PLPPR1: variants seen among roughly 807,000 people sequenced by gnomAD.
The protein encoded by PLPPR1 is phospholipid phosphatase-related protein type 1.
A neutral mutation model predicts 33.1 loss-of-function variants in PLPPR1; 10 were observed. The ratio of observed to expected loss-of-function variants is 0.30; its 90% confidence interval spans 0.19 to 0.51. PLPPR1 has a LOEUF of 0.51. Among genes scored for constraint, PLPPR1 ranks in the 20% least tolerant of loss-of-function variants. The probability of loss-of-function intolerance (pLI) is 0.97; values close to 1 mark genes in which losing one functional copy is unlikely to be tolerated. For missense variants in PLPPR1, 304 were observed against 408.1 expected (o/e 0.74, Z 2.20); for synonymous variants, 151 against 151.0 (o/e 1.00, Z 0.00).
At chr9:101,249,458 T>A (rs74570992) in intron 2 of PLPPR1, among the ~76,000 whole-genome samples, 2,826 of 152,164 alleles carry the variant, frequency 0.019, 34 homozygotes, top group Middle Eastern at 0.085. Context: ...GTGGAAAAGA[T>A]CAACAGGAAA....
At chr9:101,206,229 T>A (rs912012922) in intron 2 of PLPPR1, among the ~76,000 whole-genome samples, 1 of 152,162 alleles carries the variant, frequency 6.6e-6, no homozygotes, top group Non-Finnish European at 1.5e-5. Context: ...CAATTATCTG[T>A]GAATGTTTGA....
intron 2 of PLPPR1, among the ~76,000 whole-genome samples, chr9:101,261,524 C>T (rs1827898970): frequency 6.6e-6 from 1 of 152,158 alleles, no homozygotes; most frequent in African/African-American, 2.4e-5. Flanking sequence ...TCAGTTTTCA[C>T]AAGAGGATGT....
chr9:101,204,101 A>G (rs949237360), intron 2 of PLPPR1, among the ~76,000 whole-genome samples: 13 of 152,176 alleles, frequency 8.5e-5, no homozygotes, highest in Non-Finnish European at 7.4e-5. Flanking sequence ...AGGATTCCCT[A>G]TCTTTTAGTG....
chr9:101,317,443 C>A lies in PLPPR1; in HGVS notation c.892C>A (p.Pro298Thr). The change falls in exon 7 of 8, where the codon CCC (proline) becomes ACC (threonine). Residue 298 changes from proline to threonine, a missense_variant. Transcript: ENST00000374874. The part of the protein sequence containing the change: ...KPKPEDPRGV[P>T]LMAFPRIESP... ...CAAGCCTGAGGATCCCCGTGGAGTA[C>A]CCCTAATGGCTTTCCCAAGGATAGA... 6.2e-7 allele frequency: 1 copy of A among 1,613,982 alleles called. No individual in the cohort carries two copies. Among genetic ancestry groups the A allele is most frequent in the Non-Finnish European group, 8.5e-7 (1 of 1,179,910 alleles).
At chr9:101,149,912 C>A (rs2118647699) in intron 1 of PLPPR1, among the ~76,000 whole-genome samples, 1 of 152,172 alleles carries the variant, frequency 6.6e-6, no homozygotes, top group East Asian at 1.9e-4. Context: ...TTCAGGAACA[C>A]CAATTATAGG....
At chr9:101,302,592 T>C (rs1323943148) in intron 4 of PLPPR1, among the ~76,000 whole-genome samples, 1 of 152,218 alleles carries the variant, frequency 6.6e-6, no homozygotes, top group Non-Finnish European at 1.5e-5. Context: ...TTGTGTTCCA[T>C]TTCCAATGGA....
At chr9:101,261,696 G>A (rs755460481) in intron 2 of PLPPR1, among the ~76,000 whole-genome samples, 11 of 152,074 alleles carry the variant, frequency 7.2e-5, no homozygotes, top group East Asian at 1.9e-4. Flanking sequence ...GTCCTTCGCC[G>A]GAACATGGAT....
At position 101,108,249 on chromosome 9, in the gene PLPPR1, T is replaced by G. The variant is rs1008341737; in HGVS notation, c.-45-77201T>G. On this transcript the variant is annotated intron_variant, in intron 1 of 7. Transcript: ENST00000374874. Reference sequence around the variant, plus strand: ...TAATAATAATAATAATCATGTTTGTTAAAAGAGACTTGAATCAGGTAATGC... The same window carrying G: ...TAATAATAATAATAATCATGTTTGTGAAAAGAGACTTGAATCAGGTAATGC... Among the ~76,000 whole-genome samples, 13 of 152,336 alleles carry G rather than the reference T, an allele frequency of 8.5e-5. No individual in the cohort carries two copies. In the East Asian group the frequency reaches 1.7e-3, roughly 20 times the overall value.
At chr9:101,257,311 C>G (rs1394874205) in intron 2 of PLPPR1, among the ~76,000 whole-genome samples, 1 of 152,098 alleles carries the variant, frequency 6.6e-6, no homozygotes, top group Non-Finnish European at 1.5e-5. Flanking sequence ...TTATATGAAA[C>G]CAATAGTTTA....
intron 4 of PLPPR1, among the ~76,000 whole-genome samples, chr9:101,297,961 A>G (rs1053094158): frequency 2.0e-5 from 3 of 152,224 alleles, no homozygotes; most frequent in African/African-American, 7.2e-5. Flanking sequence ...AGTTCAGTTC[A>G]GTTCTGCTCA....
At chr9:101,044,937 A>G (rs966287254) in intron 1 of PLPPR1, among the ~76,000 whole-genome samples, 2 of 152,220 alleles carry the variant, frequency 1.3e-5, no homozygotes, top group Non-Finnish European at 2.9e-5. Flanking sequence ...TTTGAGGACT[A>G]TCTGAGATTA....
intron 1 of PLPPR1, among the ~76,000 whole-genome samples, chr9:101,172,896 G>T (rs1825965129): frequency 6.6e-6 from 1 of 152,126 alleles, no homozygotes; most frequent in Admixed American, 6.6e-5. Context: ...GCACTTTATT[G>T]CCTCATGTCC....
At chr9:101,186,856 G>A (rs1365613111) in intron 2 of PLPPR1, among the ~76,000 whole-genome samples, 6 of 151,892 alleles carry the variant, frequency 4.0e-5, no homozygotes, top group African/African-American at 1.4e-4. Flanking sequence ...TTGGAACAGA[G>A]ATGTTAATAT....
intron 1 of PLPPR1, among the ~76,000 whole-genome samples, chr9:101,087,258 T>C (rs2118524445): frequency 6.6e-6 from 1 of 152,248 alleles, no homozygotes; most frequent in East Asian, 1.9e-4. Context: ...ATAATTCTTA[T>C]AAAATCTAAG....
At chr9:101,059,970 A>G (rs1298463584) in intron 1 of PLPPR1, among the ~76,000 whole-genome samples, 4 of 152,124 alleles carry the variant, frequency 2.6e-5, no homozygotes, top group African/African-American at 7.2e-5. Flanking sequence ...ACTACTGGGT[A>G]TATACCCGAA....
chr9:101,157,839 A>T (rs1588051957), intron 1 of PLPPR1, among the ~76,000 whole-genome samples: 1 of 151,350 alleles, frequency 6.6e-6, no homozygotes, highest in East Asian at 1.9e-4. Flanking sequence ...CATCTCTATT[A>T]AAAAAAAATT....
chr9:101,178,783 G>C (rs187679718), intron 1 of PLPPR1, among the ~76,000 whole-genome samples: 2 of 152,246 alleles, frequency 1.3e-5, no homozygotes, highest in African/African-American at 2.4e-5. Context: ...ATACAGTACT[G>C]TTTCTCCCAT....
intron 2 of PLPPR1, among the ~76,000 whole-genome samples, chr9:101,253,632 C>G (rs1588096607): frequency 6.6e-6 from 1 of 152,190 alleles, no homozygotes; most frequent in East Asian, 1.9e-4. Context: ...TTTATTACAA[C>G]CATAAATTGA....
At chr9:101,300,389 G>A (rs377044689) in intron 4 of PLPPR1, among the ~76,000 whole-genome samples, 10 of 152,280 alleles carry the variant, frequency 6.6e-5, no homozygotes, top group African/African-American at 1.7e-4. Context: ...ATGTTGCCGA[G>A]GTTGGTCTCG....
Sources: allele counts gnomAD v4.1 joint callset (sites outside exome capture counted in the v4.1 genomes callset), GRCh38; gene constraint gnomAD v4.1.1; transcripts MANE v1.5; gene names NCBI Gene and HGNC (gene_info 2026-07-23, HGNC 2026-07-21).